DMD: variants seen among roughly 807,000 people sequenced by gnomAD.
The protein encoded by DMD is dystrophin, also known as mutant dystrophin.
Under a neutral mutation model 330.1 loss-of-function variants are expected in DMD, and 63 were observed. That is an observed-to-expected ratio of 0.19 (90% CI 0.16 to 0.24). The LOEUF is 0.24. Ranked by LOEUF, DMD falls within the 10% of genes least tolerant of loss-of-function variation. DMD has a pLI of 1.00. For synonymous variants in DMD, 1,223 were observed against 959.8 expected (o/e 1.27, Z -5.07); for missense variants, 3,344 against 2,684.1 (o/e 1.25, Z -5.43).
At chrX:31,659,368 C>T (rs2080976326) in intron 53 of DMD, among the ~76,000 whole-genome samples, 2 of 110,708 alleles carry the variant, frequency 1.8e-5, no homozygotes, top group Non-Finnish European at 3.8e-5. Flanking sequence ...AGGCCGGGTG[C>T]GGTGGCTCAT....
At chrX:31,190,617 GAGGGCGGGGA>G (rs2042241749) in intron 67 of DMD, among the ~76,000 whole-genome samples, 6 of 12,850 alleles carry the variant, frequency 4.7e-4, no homozygotes, top group Non-Finnish European at 7.6e-4. Context: ...GGGGGAGGGG[GAGGGCGGGGA>G]GGGGGTGCTA....
chrX:32,137,272 A>C (rs1193412405), intron 44 of DMD, among the ~76,000 whole-genome samples: 1 of 111,760 alleles, frequency 8.9e-6, no homozygotes, highest in Non-Finnish European at 1.9e-5. Context: ...TACAAAAAAA[A>C]GTTGTGCTAG....
intron 1 of DMD, among the ~76,000 whole-genome samples, chrX:33,063,325 A>G (rs2094604492): frequency 8.9e-6 from 1 of 111,884 alleles, no homozygotes; most frequent in Admixed American, 9.6e-5. Flanking sequence ...AGAAAATGTT[A>G]CCATGGCAGT....
At chrX:32,739,099 TG>T (rs1188584734) in intron 7 of DMD, among the ~76,000 whole-genome samples, 2 of 112,179 alleles carry the variant, frequency 1.8e-5, no homozygotes, top group African/African-American at 6.5e-5. Flanking sequence ...ATTTAATTCT[TG>T]TAACAGTCCT....
intron 48 of DMD, among the ~76,000 whole-genome samples, chrX:31,862,881 G>C (rs2093730303): frequency 8.9e-6 from 1 of 112,692 alleles, no homozygotes; most frequent in Non-Finnish European, 1.9e-5. Flanking sequence ...CCGGCCAGAA[G>C]ACAAGTACCT....
At chrX:31,732,773 T>C (rs1475803832) in intron 51 of DMD, among the ~76,000 whole-genome samples, 2 of 111,688 alleles carry the variant, frequency 1.8e-5, no homozygotes, top group Admixed American at 9.5e-5. Flanking sequence ...CCTAGTATTA[T>C]CTTCATCCTC....
chrX:33,316,190 G>A (rs1009589453), intron 1 of DMD, among the ~76,000 whole-genome samples: 1 of 110,254 alleles, frequency 9.1e-6, no homozygotes, highest in South Asian at 3.9e-4. Flanking sequence ...GTAATCAAGG[G>A]AATGGGAAAA....
intron 7 of DMD, among the ~76,000 whole-genome samples, chrX:32,807,125 A>ATT (rs2077003692): frequency 1.0e-5 from 1 of 99,641 alleles, no homozygotes; most frequent in African/African-American, 3.8e-5. Flanking sequence ...AAACATTTAA[A>ATT]AAAAAAAAAA....
intron 44 of DMD, among the ~76,000 whole-genome samples, chrX:32,209,826 A>T (rs1382353375): frequency 9.0e-6 from 1 of 111,699 alleles, no homozygotes; most frequent in African/African-American, 3.3e-5. Flanking sequence ...AAAATCTGTC[A>T]TCTTCTTAAA....
intron 32 of DMD, among the ~76,000 whole-genome samples, chrX:32,389,112 T>C (rs1029278954): frequency 9.0e-6 from 1 of 111,635 alleles, no homozygotes; most frequent in Non-Finnish European, 1.9e-5. Context: ...GCCTTAAGAA[T>C]TAAAGGTGAC....
rs753174365 is a variant in DMD, at chrX:32,485,012, G to T, written c.2710C>A (p.Pro904Thr). The change falls in exon 21 of 79, where the codon CCC becomes ACC. Residue 904 changes from proline to threonine, a missense_variant. By Grantham distance (38) the Pro-to-Thr change is conservative. Transcript: ENST00000357033. Reference sequence around the variant, plus strand: ...ACAAAGTCTGCATCCAGGAACATGGGTCCTTGTCCTTTCTCTTTCAGGGCT... The same window carrying T: ...ACAAAGTCTGCATCCAGGAACATGGTTCCTTGTCCTTTCTCTTTCAGGGCT... ...SIALKEKGQG[P>T]MFLDADFVAF... The T allele has an allele frequency of 1.7e-6, 2 of 1,211,067 alleles. No individual in the cohort carries two copies. Among genetic ancestry groups the T allele is most frequent in the South Asian group, 1.8e-5 (1 of 56,990 alleles).
intron 55 of DMD, among the ~76,000 whole-genome samples, chrX:31,550,265 C>T (rs1169615194): frequency 1.8e-5 from 2 of 111,875 alleles, no homozygotes; most frequent in Non-Finnish European, 3.8e-5. Flanking sequence ...ATTACCCTCC[C>T]TTTTCATATT....
chrX:32,472,405 T>C, intron 21 of DMD, 96 bp from the exon 22 acceptor site: 1 of 829,742 alleles, frequency 1.2e-6, no homozygotes, highest in Non-Finnish European at 1.7e-6. Context: ...ATATTACTAG[T>C]TTCAAATATT....
intron 44 of DMD, among the ~76,000 whole-genome samples, chrX:31,970,489 A>T (rs996805676): frequency 2.7e-5 from 3 of 111,462 alleles, no homozygotes; most frequent in African/African-American, 9.8e-5. Context: ...AAGCAAGGTG[A>T]TCAACAAATG....
intron 50 of DMD, among the ~76,000 whole-genome samples, chrX:31,785,933 T>A (rs576729605): frequency 2.2e-3 from 250 of 112,063 alleles, no homozygotes; most frequent in African/African-American, 7.7e-3. Flanking sequence ...GTCTTTACAG[T>A]AGAATGATTT....
chrX:31,639,306 T>C lies in DMD; in HGVS notation c.8028-11444A>G, dbSNP rs1311552688. ...GTAGACTTCTTATACAACAAAGAAC[T>C]CTCCCAAGTCTGACAGCACTTTGGA... On this transcript the variant is annotated intron_variant, in intron 54 of 78. Coordinates refer to ENST00000357033, the MANE Select transcript of DMD (RefSeq NM_004006.3). Among the ~76,000 whole-genome samples, 3 of 111,358 alleles carry C rather than the reference T, an allele frequency of 2.7e-5. No homozygotes were observed. In the East Asian group the frequency reaches 8.4e-4, roughly 31 times the overall value.
intron 60 of DMD, among the ~76,000 whole-genome samples, chrX:31,350,632 TGAGAGAGAGAGAGAGA>T (rs372820688): frequency 4.5e-5 from 3 of 66,696 alleles, no homozygotes; most frequent in African/African-American, 1.2e-4. Context: ...TGTGTGTGTG[TGAGAGAGAGAGAGAGA>T]GAGAGAGAGA....
At chrX:31,209,381 G>A in intron 65 of DMD, 117 bp downstream of exon 65, 2 of 718,496 alleles carry the variant, frequency 2.8e-6, no homozygotes, top group Admixed American at 2.4e-5. Flanking sequence ...TTTATCACAG[G>A]AAGAGCATTA....
At chrX:32,614,243 T>C (rs2057390345) in intron 12 of DMD, 60 bp downstream of exon 12, 2 of 1,098,000 alleles carry the variant, frequency 1.8e-6, no homozygotes, top group South Asian at 1.9e-5. Flanking sequence ...TTACTGTGTA[T>C]AGGTACTATA....
Sources: gnomAD v4.1 joint callset for allele counts (sites outside exome capture counted in the v4.1 genomes callset) on GRCh38, gnomAD v4.1.1 for gene constraint, MANE v1.5 for transcripts, NCBI Gene and HGNC (gene_info 2026-07-23, HGNC 2026-07-21) for gene names.